The following GABRA1 variants were observed in gnomAD, a reference collection of about 807,000 sequenced individuals.
GABRA1 encodes the protein gamma-aminobutyric acid type A receptor subunit alpha1.
GABRA1 carries 9 observed loss-of-function variants against 48.9 expected under a neutral mutation model. The observed-to-expected ratio is 0.18, with a 90% CI of 0.11 to 0.32. GABRA1 has a LOEUF of 0.32. GABRA1 is among the 10% of genes least tolerant of loss of function. GABRA1 has a pLI of 1.00. For synonymous variants in GABRA1, 210 were observed against 198.7 expected, an observed-to-expected ratio of 1.06 and a Z score of -0.48; for missense variants, 285 against 553.8, an observed-to-expected ratio of 0.51 and a Z score of 4.87.
At chr5:161,866,339 T>C (rs1268549690) in intron 4 of GABRA1, among the ~76,000 whole-genome samples, 2 of 152,134 alleles carry the variant, frequency 1.3e-5, no homozygotes, top group African/African-American at 4.8e-5. Context: ...AATGAATCTA[T>C]ACCTGCTCTT....
chr5:161,878,253 A>C (rs754499638), intron 6 of GABRA1, among the ~76,000 whole-genome samples: 1 of 152,166 alleles, frequency 6.6e-6, no homozygotes, highest in Non-Finnish European at 1.5e-5. Context: ...TAGACATTGA[A>C]GTGCAGGCTT....
At chr5:161,849,515 C>T (rs1460875724) in intron 1 of GABRA1, among the ~76,000 whole-genome samples, 3 of 152,102 alleles carry the variant, frequency 2.0e-5, no homozygotes, top group African/African-American at 7.2e-5. Flanking sequence ...GACCATTTCG[C>T]TCTAAACATA....
chr5:161,865,617 T>C, intron 3 of GABRA1, 104 bp from the exon 4 acceptor site: 2 of 909,586 alleles, frequency 2.2e-6, no homozygotes, highest in East Asian at 4.8e-5. Flanking sequence ...TAGAAATAGC[T>C]AATCAAAGAC....
intron 4 of GABRA1, among the ~76,000 whole-genome samples, chr5:161,871,104 C>A (rs1264148294): frequency 6.6e-6 from 1 of 151,970 alleles, no homozygotes; most frequent in Non-Finnish European, 1.5e-5. Flanking sequence ...ATGTGAACAT[C>A]AGGATGTTGG....
intron 3 of GABRA1, 30 bp downstream of exon 3, chr5:161,854,300 G>T (rs754619388): frequency 7.8e-6 from 9 of 1,159,670 alleles, no homozygotes; most frequent in African/African-American, 1.5e-5. Context: ...TTTTGTTTTA[G>T]AGAATAATAT....
At chr5:161,892,453 T>C (rs896353907) in intron 8 of GABRA1, among the ~76,000 whole-genome samples, 3 of 152,234 alleles carry the variant, frequency 2.0e-5, no homozygotes, top group African/African-American at 7.2e-5. Flanking sequence ...GCTTCTAGAT[T>C]GGCAAACACC....
intron 3 of GABRA1, among the ~76,000 whole-genome samples, chr5:161,860,490 G>C (rs929620480): frequency 1.3e-5 from 2 of 151,458 alleles, no homozygotes; most frequent in East Asian, 3.9e-4. Context: ...TAGGGTAATG[G>C]GGGGAGGGAG....
At chr5:161,852,338 T>G (rs1303187608) in intron 2 of GABRA1, among the ~76,000 whole-genome samples, 1 of 152,052 alleles carries the variant, frequency 6.6e-6, no homozygotes, top group Non-Finnish European at 1.5e-5. Context: ...TTTTAAGAAT[T>G]GTTTTAATAA....
intron 7 of GABRA1, among the ~76,000 whole-genome samples, chr5:161,884,659 A>G (rs1269758281): frequency 6.6e-6 from 1 of 152,178 alleles, no homozygotes; most frequent in Non-Finnish European, 1.5e-5. Context: ...TAATGCACAC[A>G]TAACTTTTCC....
chr5:161,861,744 T>A (rs1757867777), intron 3 of GABRA1, among the ~76,000 whole-genome samples: 1 of 151,884 alleles, frequency 6.6e-6, no homozygotes, highest in Non-Finnish European at 1.5e-5. Context: ...AGCTGGAACA[T>A]TGCTTTATCC....
At chr5:161,895,636 C>T (rs765763541) in intron 8 of GABRA1, 30 bp from the exon 9 acceptor site, 4 of 1,576,790 alleles carry the variant, frequency 2.5e-6, no homozygotes, top group Admixed American at 1.7e-5. Flanking sequence ...TATGAACTGG[C>T]ATCATGTATG....
chr5:161,860,632 G>T (rs570050052), intron 3 of GABRA1, among the ~76,000 whole-genome samples: 17 of 135,456 alleles, frequency 1.3e-4, no homozygotes, highest in Non-Finnish European at 2.5e-4. Flanking sequence ...ATAACTAAAA[G>T]AGTATAATTG....
In GABRA1 at chr5:161,897,181, C is replaced by T. The variant is rs751571034; in HGVS notation, c.1130C>T (p.Pro377Leu). 1.2e-5 allele frequency: 19 copies of T among 1,613,980 alleles called. No individual in the cohort carries two copies. The South Asian group carries it at 1.5e-4, about 13-fold the overall frequency. Residue 377 changes from proline to leucine, a missense_variant, in exon 10 of 10, where the codon CCT (proline) becomes CTT (leucine). By Grantham distance (98) the Pro-to-Leu change is moderately conservative (BLOSUM62 -3). Transcript: ENST00000393943. ...GCTCCAACAGCAACCAGCTACACCC[C>T]TAATTTGGCCAGGGGCGACCCGGGC... ...TYAPTATSYTPNLARGDPGLA... is the reference protein window; with the variant it reads ...TYAPTATSYTLNLARGDPGLA...
rs531195869 is a variant in GABRA1 at position 161,853,543 on chromosome 5, A to G, written c.75-615A>G. On this transcript the variant is annotated intron_variant, in intron 2 of 9. Transcript: ENST00000393943. ...CTGAGACTAGAAATAATAAAAATTA[A>G]TTAGATGTTTGAGCAGACAAATTTT... is the stretch of plus-strand genomic sequence containing the variant. 5 of 152,028 alleles carry G rather than the reference A, an allele frequency of 3.3e-5. No individual in the cohort carries two copies. The East Asian group carries it at 9.7e-4, about 29-fold the overall frequency. 9.4% of individuals were successfully genotyped at this position (152,028 alleles called of 1,614,324 possible). A position where few individuals can be genotyped will look rare whatever the true frequency, so the allele number is the denominator to read the frequency against.
chr5:161,870,080 C>A (rs1451816871), intron 4 of GABRA1, among the ~76,000 whole-genome samples: 1 of 152,118 alleles, frequency 6.6e-6, no homozygotes, highest in Non-Finnish European at 1.5e-5. Context: ...AAAAGATATT[C>A]TCACAAGTCT....
intron 3 of GABRA1, among the ~76,000 whole-genome samples, chr5:161,855,115 C>A (rs1391720841): frequency 6.6e-6 from 1 of 151,474 alleles, no homozygotes; most frequent in African/African-American, 2.4e-5. Context: ...TGATACTGAA[C>A]CTTTCCTAAA....
chr5:161,876,009 T>C (rs886386889), intron 6 of GABRA1, among the ~76,000 whole-genome samples: 1 of 152,154 alleles, frequency 6.6e-6, no homozygotes, highest in South Asian at 2.1e-4. Flanking sequence ...GACACTTGTT[T>C]GATCTTAAAA....
At chr5:161,855,266 A>T (rs1190618073) in intron 3 of GABRA1, among the ~76,000 whole-genome samples, 2 of 151,636 alleles carry the variant, frequency 1.3e-5, no homozygotes, top group Non-Finnish European at 3.0e-5. Context: ...TTTTTCAACT[A>T]AATGGTTGCA....
intron 5 of GABRA1, among the ~76,000 whole-genome samples, chr5:161,874,535 A>G (rs1433750945): frequency 6.6e-6 from 1 of 152,102 alleles, no homozygotes; most frequent in Non-Finnish European, 1.5e-5. Flanking sequence ...AGAGACTTGC[A>G]TATCCTAAGT....
Sources: gnomAD v4.1 joint callset for allele counts (sites outside exome capture counted in the v4.1 genomes callset) on GRCh38, gnomAD v4.1.1 for gene constraint, MANE v1.5 for transcripts, NCBI Gene and HGNC (gene_info 2026-07-23, HGNC 2026-07-21) for gene names.